ZMYM4: variants seen among roughly 807,000 people sequenced by gnomAD.
ZMYM4 encodes the protein zinc finger MYM-type protein 4.
Under a neutral mutation model 183.2 loss-of-function variants are expected in ZMYM4, and 31 were observed. That is an observed-to-expected ratio of 0.17 (90% CI 0.13 to 0.23). ZMYM4 has a LOEUF of 0.23. Among genes scored for constraint, ZMYM4 ranks in the 10% least tolerant of loss-of-function variants. ZMYM4 has a pLI of 1.00. For missense variants in ZMYM4, 1,273 were observed against 1,840.3 expected (o/e 0.69, Z 5.64); for synonymous variants, 592 against 631.2 (o/e 0.94, Z 0.93).
chr1:35,396,744 G>T, intron 19 of ZMYM4, 74 bp downstream of exon 19: 1 of 1,478,860 alleles, frequency 6.8e-7, no homozygotes. Flanking sequence ...GTTCTGTGAA[G>T]AAAGTTTTCA....
intron 1 of ZMYM4, among the ~76,000 whole-genome samples, chr1:35,269,330 TC>T (rs1421495936): frequency 3.3e-5 from 5 of 151,980 alleles, no homozygotes; most frequent in Admixed American, 2.6e-4. Context: ...CCCCCGACGT[TC>T]CCCAGCACTG....
chr1:35,351,705 A>G lies in ZMYM4; in HGVS notation c.86-7220A>G, dbSNP rs77384458. 3,635 of 467,166 alleles carry G rather than the reference A, an allele frequency of 7.8e-3. 105 individuals carry two copies. Among genetic ancestry groups the G allele is most frequent in the African/African-American group, 0.063 (3,203 of 50,758 alleles). 28.9% of individuals were successfully genotyped at this position (467,166 alleles called of 1,614,324 possible). On this transcript the variant is annotated intron_variant, in intron 2 of 29. Coordinates refer to ENST00000314607, the MANE Select transcript of ZMYM4 (RefSeq NM_005095.3). ...AACAGAAATCAAAAAAACAAAAAAC[A>G]AAAATGTGCAGGAGGAATATGTTAG...
chr1:35,408,181 T>C (rs1639703850), intron 26 of ZMYM4, 22 bp downstream of exon 26: 5 of 1,613,264 alleles, frequency 3.1e-6, no homozygotes, highest in Non-Finnish European at 4.2e-6. Flanking sequence ...AACATATGGA[T>C]TCTTCAACCT....
chr1:35,376,547 C>T (rs966233054), intron 7 of ZMYM4, among the ~76,000 whole-genome samples: 9 of 151,202 alleles, frequency 6.0e-5, no homozygotes, highest in African/African-American at 1.9e-4. Flanking sequence ...TTTTTTGAGA[C>T]GGAGTCTCAC....
At chr1:35,319,499 C>T (rs1419650942) in intron 1 of ZMYM4, among the ~76,000 whole-genome samples, 2 of 151,922 alleles carry the variant, frequency 1.3e-5, no homozygotes, top group East Asian at 1.9e-4. Context: ...TTGTGCACAC[C>T]TCTAGTTCCA....
intron 1 of ZMYM4, among the ~76,000 whole-genome samples, chr1:35,281,488 C>T (rs1351962453): frequency 6.6e-6 from 1 of 151,682 alleles, no homozygotes; most frequent in African/African-American, 2.4e-5. Flanking sequence ...GATATTGGTC[C>T]AAGAGTAGAA....
At chr1:35,315,896 G>A (rs1248933957) in intron 1 of ZMYM4, among the ~76,000 whole-genome samples, 1 of 151,992 alleles carries the variant, frequency 6.6e-6, no homozygotes, top group Non-Finnish European at 1.5e-5. Context: ...ACTGCACCCT[G>A]GCCTGGGTGA....
chr1:35,378,055 C>G (rs766037499), intron 7 of ZMYM4, among the ~76,000 whole-genome samples: 1 of 152,208 alleles, frequency 6.6e-6, no homozygotes, highest in Non-Finnish European at 1.5e-5. Context: ...AATTCCATGA[C>G]AAGAAATTAC....
At chr1:35,374,776 C>T (rs1167425554) in intron 7 of ZMYM4, among the ~76,000 whole-genome samples, 1 of 151,416 alleles carries the variant, frequency 6.6e-6, no homozygotes, top group African/African-American at 2.4e-5. Context: ...TGCCCTCTTT[C>T]TCGTTTTAAA....
intron 2 of ZMYM4, 165 bp from the exon 3 acceptor site, chr1:35,358,760 G>C (rs1643881476): frequency 3.4e-6 from 2 of 590,396 alleles, no homozygotes; most frequent in Non-Finnish European, 5.6e-6. Context: ...TGTCAGATAG[G>C]AATAGTTATA....
intron 7 of ZMYM4, among the ~76,000 whole-genome samples, chr1:35,372,391 G>T (rs1644232826): frequency 6.6e-6 from 1 of 152,164 alleles, no homozygotes; most frequent in Non-Finnish European, 1.5e-5. Context: ...TGGGAAAGGT[G>T]TCAGGGAATG....
chr1:35,387,909 G>A (rs1644614958), intron 13 of ZMYM4, among the ~76,000 whole-genome samples: 1 of 152,114 alleles, frequency 6.6e-6, no homozygotes, highest in Non-Finnish European at 1.5e-5. Context: ...TCTAGTTCGT[G>A]TACTTATTTC....
intron 1 of ZMYM4, among the ~76,000 whole-genome samples, chr1:35,309,999 G>A (rs1033572069): frequency 3.6e-4 from 53 of 148,846 alleles, no homozygotes; most frequent in South Asian, 1.3e-3. Flanking sequence ...GCGCGATCTC[G>A]GCTCACTGCT....
intron 28 of ZMYM4, 21 bp downstream of exon 28, chr1:35,415,735 G>C (rs755824743): frequency 1.2e-6 from 2 of 1,604,946 alleles, no homozygotes; most frequent in East Asian, 2.2e-5. Context: ...CTGTTTGTCA[G>C]ATTTCTCTTT....
intron 1 of ZMYM4, among the ~76,000 whole-genome samples, chr1:35,304,728 C>T (rs1416406479): frequency 1.3e-5 from 2 of 151,952 alleles, no homozygotes; most frequent in East Asian, 3.9e-4. Flanking sequence ...CTTGGCCTTC[C>T]AAAGTGATAG....
In ZMYM4 at chr1:35,269,020, C is replaced by T. The variant is rs1045891917; in HGVS notation, c.-27C>T. ...GGTACCGCCGCCACCGCGCGGGGAGCCGCAGCGGTTCCGAGCGGGGCCCAA... is the reference window on the plus strand; with the variant it reads ...GGTACCGCCGCCACCGCGCGGGGAGTCGCAGCGGTTCCGAGCGGGGCCCAA... On this transcript the variant is annotated 5_prime_UTR_variant, in exon 1 of 30. Transcript: ENST00000314607. The T allele has an allele frequency of 5.2e-6, 8 of 1,528,150 alleles. No individual in the cohort carries two copies. In the African/African-American group the frequency reaches 8.5e-5, roughly 16 times the overall value. 94.7% of individuals were successfully genotyped at this position (1,528,150 alleles called of 1,614,324 possible). A position where few individuals can be genotyped will look rare whatever the true frequency, so the allele number is the denominator to read the frequency against.
In ZMYM4 at chr1:35,397,451, A is replaced by G; in HGVS notation, c.3105A>G (p.Lys1035=). 6.2e-7 allele frequency: 1 copy of G among 1,613,600 alleles called. No individual in the cohort carries two copies. Among genetic ancestry groups the G allele is most frequent in the Non-Finnish European group, 8.5e-7 (1 of 1,179,706 alleles). The part of the protein sequence containing the change: ...DKVTESIEDI[K]EKLPTHPFEA... ...TCACAGAGAGTATTGAAGACATTAA[A>G]GAAAAGCTTCCCACACATCCATTTG... The change falls in exon 20 of 30, where the codon AAA becomes AAG. Residue 1035 remains lysine, a synonymous_variant. Coordinates refer to ENST00000314607, the MANE Select transcript of ZMYM4 (RefSeq NM_005095.3).
rs951908666 is a variant in ZMYM4 at position 35,376,853 on chromosome 1, C to T, written c.1182-4406C>T. On this transcript the variant is annotated intron_variant, in intron 7 of 29. Transcript: ENST00000314607. ...TAGTATTTTAAGAATGCTTCTGTTA[C>T]AGTATTTTATAAAATATTTGTCTAT... Among the ~76,000 whole-genome samples, 14 of 151,582 alleles carry T rather than the reference C, an allele frequency of 9.2e-5. 1 individual carries two copies. Among genetic ancestry groups the T allele is most frequent in the Non-Finnish European group, 1.8e-4 (12 of 67,908 alleles).
chr1:35,369,120 A>G (rs1028011861), intron 5 of ZMYM4, among the ~76,000 whole-genome samples: 1 of 152,234 alleles, frequency 6.6e-6, no homozygotes, highest in Admixed American at 6.5e-5. Flanking sequence ...TCACAAAAAA[A>G]GGAGATATAT....
Sources: gnomAD v4.1 joint callset for allele counts (sites outside exome capture counted in the v4.1 genomes callset) on GRCh38, gnomAD v4.1.1 for gene constraint, MANE v1.5 for transcripts, NCBI Gene and HGNC (gene_info 2026-07-23, HGNC 2026-07-21) for gene names.